RAMP1: variants seen among roughly 807,000 people sequenced by gnomAD.
RAMP1 encodes the protein receptor activity modifying protein 1.
A neutral mutation model predicts 8.2 loss-of-function variants in RAMP1; 7 were observed. That is an observed-to-expected ratio of 0.85 (90% CI 0.49 to 1.60). The LOEUF (loss-of-function observed/expected upper bound fraction) is 1.60, where lower values mean the gene tolerates loss of function less well. Among genes scored for constraint, RAMP1 ranks in the 40% most tolerant of loss-of-function variants. The pLI, the probability that RAMP1 is intolerant of heterozygous loss-of-function variation, is 0.00. For missense variants in RAMP1, 192 were observed against 202.4 expected (o/e 0.95, Z 0.31); for synonymous variants, 92 against 84.7 (o/e 1.09, Z -0.47).
chr2:237,911,596 C>A lies in RAMP1; in HGVS notation c.260C>A (p.Ala87Glu). Reference sequence around the variant, plus strand: ...AAGCTGGGCTGCTTCTGGCCCAATGCAGAGGTGGACAGGTTCTTCCTGGCA... The same window carrying A: ...AAGCTGGGCTGCTTCTGGCCCAATGAAGAGGTGGACAGGTTCTTCCTGGCA... ...AEKLGCFWPN[A>E]EVDRFFLAVH... The change falls in exon 3 of 3, where the codon GCA becomes GAA. Residue 87 changes from alanine to glutamate, a missense_variant. Ala to Glu is a moderately radical substitution (Grantham distance 107). Transcript: ENST00000254661. The A allele has an allele frequency of 6.2e-7, 1 of 1,614,158 alleles. No homozygotes were observed.
intron 1 of RAMP1, among the ~76,000 whole-genome samples, chr2:237,863,852 G>A (rs1457394854): frequency 6.6e-6 from 1 of 151,818 alleles, no homozygotes; most frequent in Non-Finnish European, 1.5e-5. Context: ...CTCTGGGACC[G>A]AGAACCAGAA....
intron 2 of RAMP1, among the ~76,000 whole-genome samples, chr2:237,894,551 C>T (rs73094316): frequency 0.029 from 4,353 of 152,296 alleles, 209 homozygotes; most frequent in African/African-American, 0.1. Flanking sequence ...TGCTGACAGG[C>T]AGCACCAGCG....
At chr2:237,910,047 G>A (rs940787265) in intron 2 of RAMP1, among the ~76,000 whole-genome samples, 1 of 152,130 alleles carries the variant, frequency 6.6e-6, no homozygotes, top group African/African-American at 2.4e-5. Context: ...TAGCCTGGTG[G>A]CAGCCATACC....
rs7576177 is a variant in RAMP1, at chr2:237,877,873, A to G, written c.191+511A>G. 0.32 allele frequency: 268,252 copies of G among 826,394 alleles called. 47,735 individuals carry two copies. The highest frequency in any genetic ancestry group is 0.67 in the African/African-American group (35,904 of 53,934). 51.2% of individuals were successfully genotyped at this position (826,394 alleles called of 1,614,324 possible). A position where few individuals can be genotyped will look rare whatever the true frequency, so the allele number is the denominator to read the frequency against. On this transcript the variant is annotated intron_variant, in intron 2 of 2. Coordinates refer to ENST00000254661, the MANE Select transcript of RAMP1 (RefSeq NM_005855.4). The surrounding 1 kb of genome is among the most constrained non-coding windows in gnomAD (Gnocchi z 4.4). Reference sequence around the variant, plus strand: ...GACGGCTTCAGCCGAACCCTTCCCCACCTGGCCCGATCCTCCTGCCCAAGG... The same window carrying G: ...GACGGCTTCAGCCGAACCCTTCCCCGCCTGGCCCGATCCTCCTGCCCAAGG...
At chr2:237,899,996 ATTT>A (rs2062581792) in intron 2 of RAMP1, among the ~76,000 whole-genome samples, 1 of 152,108 alleles carries the variant, frequency 6.6e-6, no homozygotes, top group Non-Finnish European at 1.5e-5. Context: ...AACATTTGCC[ATTT>A]TTCTTCTTGG....
chr2:237,874,833 C>T (rs1435903289), intron 1 of RAMP1: 6 of 486,682 alleles, frequency 1.2e-5, no homozygotes, highest in African/African-American at 2.1e-5. Context: ...AAGAAAGAGA[C>T]CCTCCACCAG....
intron 1 of RAMP1, among the ~76,000 whole-genome samples, chr2:237,867,555 GA>G (rs1237883571): frequency 6.6e-6 from 1 of 152,190 alleles, no homozygotes; most frequent in Non-Finnish European, 1.5e-5. Flanking sequence ...TTTGTCCTGT[GA>G]AGGAAGAACC....
intron 2 of RAMP1, among the ~76,000 whole-genome samples, chr2:237,885,488 C>T (rs1229278053): frequency 2.0e-5 from 3 of 152,264 alleles, no homozygotes; most frequent in Non-Finnish European, 4.4e-5. Context: ...CACATGCCCA[C>T]GAGCACTGGG....
At chr2:237,875,208 C>G (rs887859750) in intron 1 of RAMP1, among the ~76,000 whole-genome samples, 1 of 152,086 alleles carries the variant, frequency 6.6e-6, no homozygotes, top group Non-Finnish European at 1.5e-5. Context: ...GCCCCTTCCC[C>G]AAGGCTGCCC....
intron 1 of RAMP1, among the ~76,000 whole-genome samples, chr2:237,864,923 A>G (rs1048211338): frequency 6.6e-6 from 1 of 152,214 alleles, no homozygotes; most frequent in Non-Finnish European, 1.5e-5. Context: ...TGACTGAAGC[A>G]TGGTGGGGAA....
rs74001300 is a variant in RAMP1 at position 237,864,795 on chromosome 2, G to A, written c.52+5068G>A. Among the ~76,000 whole-genome samples the A allele has an allele frequency of 3.6e-3, 555 of 152,352 alleles. 6 individuals are homozygous for A. The highest frequency in any genetic ancestry group is 0.013 in the African/African-American group (536 of 41,586). The stretch of plus-strand genomic sequence containing the variant: ...ATGTGGTGCTACTTAAATGCAGCAG[G>A]AAATAAACAGGAGACCACGGAGCAC... On this transcript the variant is annotated intron_variant, in intron 1 of 2. Transcript: ENST00000254661.
In RAMP1 at chr2:237,865,042, AG is replaced by A. The variant is rs1190954017; in HGVS notation, c.52+5317del. Among the ~76,000 whole-genome samples the A allele has an allele frequency of 6.6e-6, 1 of 152,134 alleles. No homozygotes were observed. Among genetic ancestry groups the A allele is most frequent in the Admixed American group, 6.5e-5 (1 of 15,276 alleles). On this transcript the variant is annotated intron_variant, in intron 1 of 2. Coordinates refer to ENST00000254661, the MANE Select transcript of RAMP1 (RefSeq NM_005855.4). This position sits in a 1 kb window ranked among gnomAD's most constrained non-coding sequence, Gnocchi z 4.2. Reference sequence around the variant, plus strand: ...CTTGAAGGACATTAAAGGGGGTGACAGGACAGAAGGTGTGGTTTAAAGGAGC... The same window carrying A: ...CTTGAAGGACATTAAAGGGGGTGACAGACAGAAGGTGTGGTTTAAAGGAGC...
At chr2:237,883,976 C>T (rs1219423990) in intron 2 of RAMP1, among the ~76,000 whole-genome samples, 2 of 139,228 alleles carry the variant, frequency 1.4e-5, no homozygotes, top group African/African-American at 2.9e-5. Flanking sequence ...TGCCCTGGGA[C>T]CTTGGCTGCC....
chr2:237,891,363 G>T (rs933697730), intron 2 of RAMP1, among the ~76,000 whole-genome samples: 1 of 152,048 alleles, frequency 6.6e-6, no homozygotes, highest in Non-Finnish European at 1.5e-5. Flanking sequence ...TGTTAGCCAG[G>T]ATGGTCTCGA....
At chr2:237,890,680 G>A (rs2062479228) in intron 2 of RAMP1, among the ~76,000 whole-genome samples, 1 of 152,034 alleles carries the variant, frequency 6.6e-6, no homozygotes, top group South Asian at 2.1e-4. Context: ...TGTTTATTTG[G>A]TCTATGTCCT....
intron 2 of RAMP1, among the ~76,000 whole-genome samples, chr2:237,899,994 C>T (rs2062581709): frequency 6.6e-6 from 1 of 152,090 alleles, no homozygotes; most frequent in Non-Finnish European, 1.5e-5. Flanking sequence ...ATAACATTTG[C>T]CATTTTTCTT....
chr2:237,877,900 C>T lies in RAMP1; in HGVS notation c.191+538C>T, dbSNP rs752592798. 9.4e-6 allele frequency: 9 copies of T among 952,908 alleles called. No homozygotes were observed. The highest frequency in any genetic ancestry group is 1.1e-5 in the Non-Finnish European group (9 of 800,432). 59.0% of individuals were successfully genotyped at this position (952,908 alleles called of 1,614,324 possible). ...CTGGCCCGATCCTCCTGCCCAAGGG[C>T]CCTTCTTCCCGCTTGAGGGGCTCCC... On this transcript the variant is annotated intron_variant, in intron 2 of 2. Coordinates refer to ENST00000254661, the MANE Select transcript of RAMP1 (RefSeq NM_005855.4). This position sits in a 1 kb window ranked among gnomAD's most constrained non-coding sequence, Gnocchi z 4.4.
intron 2 of RAMP1, among the ~76,000 whole-genome samples, chr2:237,899,244 G>T (rs1170940938): frequency 6.6e-6 from 1 of 152,080 alleles, no homozygotes; most frequent in East Asian, 1.9e-4. Context: ...CTAATTTTTT[G>T]TATTTTAGTA....
At chr2:237,901,552 C>A (rs1167221614) in intron 2 of RAMP1, among the ~76,000 whole-genome samples, 1 of 152,206 alleles carries the variant, frequency 6.6e-6, no homozygotes, top group African/African-American at 2.4e-5. Flanking sequence ...TGCAAAGGTC[C>A]TGAGGCAGAA....
Sources: gnomAD v4.1 joint callset for allele counts (sites outside exome capture counted in the v4.1 genomes callset) on GRCh38, gnomAD v4.1.1 for gene constraint, Gnocchi (gnomAD v3.1) non-coding constraint, MANE v1.5 for transcripts, NCBI Gene and HGNC (gene_info 2026-07-23, HGNC 2026-07-21) for gene names.